Variants in ATL2 observed in about 807,000 individuals in gnomAD.
ATL2 encodes atlastin-2.
A neutral mutation model predicts 73.9 loss-of-function variants in ATL2; 31 were observed. The ratio of observed to expected loss-of-function variants is 0.42; its 90% confidence interval spans 0.32 to 0.57. ATL2 has a LOEUF of 0.57. Among genes scored for constraint, ATL2 ranks in the 20% least tolerant of loss-of-function variants. The probability of loss-of-function intolerance (pLI) is 0.14; values close to 1 mark genes in which losing one functional copy is unlikely to be tolerated. For missense variants in ATL2, 738 were observed against 702.6 expected (o/e 1.05, Z -0.57); for synonymous variants, 291 against 237.5 (o/e 1.23, Z -2.07).
At chr2:38,325,688 AC>A (rs1668587821) in intron 2 of ATL2, among the ~76,000 whole-genome samples, 1 of 71,388 alleles carries the variant, frequency 1.4e-5, no homozygotes, top group East Asian at 4.4e-4. Flanking sequence ...ACACACACAC[AC>A]ACACACCAGT....
At position 38,368,938 on chromosome 2, in the gene ATL2, A is replaced by G. The variant is rs115427803; in HGVS notation, c.118+8205T>C. On this transcript the variant is annotated intron_variant, in intron 1 of 12. Coordinates refer to ENST00000378954, the MANE Select transcript of ATL2 (RefSeq NM_001135673.4). ...ACCTCATCTCTAAAAAAGTAAATAAACTAATTCACATTTTCAATTTCCATA... is the reference window on the plus strand; with the variant it reads ...ACCTCATCTCTAAAAAAGTAAATAAGCTAATTCACATTTTCAATTTCCATA... Among the ~76,000 whole-genome samples the G allele has an allele frequency of 1.1e-3, 164 of 152,262 alleles. 1 individual carries two copies. The highest frequency in any genetic ancestry group is 3.0e-3 in the African/African-American group (125 of 41,568).
At chr2:38,310,726 C>T (rs1667713730) in intron 7 of ATL2, among the ~76,000 whole-genome samples, 1 of 151,582 alleles carries the variant, frequency 6.6e-6, no homozygotes, top group South Asian at 2.1e-4. Flanking sequence ...CAACCTCCGC[C>T]TCCCAGGTTC....
upstream of ATL2, among the ~76,000 whole-genome samples, chr2:38,377,858 T>TC (rs1404329326): frequency 4.8e-5 from 7 of 145,750 alleles, no homozygotes; most frequent in Admixed American, 1.4e-4. Flanking sequence ...TTGCTTCCCC[T>TC]CCCCCCCACC....
At chr2:38,310,186 T>C (rs1226011773) in intron 8 of ATL2, 123 bp downstream of exon 8, 1 of 1,125,846 alleles carries the variant, frequency 8.9e-7, no homozygotes, top group Non-Finnish European at 1.3e-6. Flanking sequence ...AACCACAACA[T>C]GAACAATGCA....
In ATL2 at chr2:38,377,077, G is replaced by A. The variant is rs180888623; in HGVS notation, c.118+66C>T. 9 of 1,505,214 alleles carry A rather than the reference G, an allele frequency of 6.0e-6. No individual in the cohort carries two copies. In the East Asian group the frequency reaches 2.0e-4, roughly 34 times the overall value. The allele number at this position is 1,505,214 out of a possible 1,614,324, so 93.2% of individuals were successfully genotyped here. Reference sequence around the variant, plus strand: ...ACCCCGCCGCCTGCGGCCGGTGCCCGCGAGCCCGAGCAGCGAGCGTCTCTC... The same window carrying A: ...ACCCCGCCGCCTGCGGCCGGTGCCCACGAGCCCGAGCAGCGAGCGTCTCTC... On this transcript the variant is annotated intron_variant, in intron 1 of 12. Transcript: ENST00000378954.
intron 8 of ATL2, 112 bp from the exon 9 acceptor site, chr2:38,309,618 G>A (rs377298072): frequency 9.5e-7 from 1 of 1,055,772 alleles, no homozygotes; most frequent in South Asian, 1.6e-5. Context: ...ATCTATTACT[G>A]AAGTGGATTC....
chr2:38,368,720 T>C (rs966503125), intron 1 of ATL2, among the ~76,000 whole-genome samples: 1 of 152,346 alleles, frequency 6.6e-6, no homozygotes, highest in Admixed American at 6.5e-5. Context: ...AATAATTTCC[T>C]GCATGCAAAC....
chr2:38,370,729 G>A (rs1671639794), intron 1 of ATL2, among the ~76,000 whole-genome samples: 2 of 152,110 alleles, frequency 1.3e-5, no homozygotes, highest in South Asian at 4.1e-4. Context: ...CTGTGCCACT[G>A]CACTCCAGCC....
At chr2:38,340,868 A>C (rs1669673163) in intron 2 of ATL2, among the ~76,000 whole-genome samples, 1 of 152,208 alleles carries the variant, frequency 6.6e-6, no homozygotes, top group African/African-American at 2.4e-5. Flanking sequence ...AAAGCCAATA[A>C]AGACATTTCA....
At chr2:38,332,054 C>A (rs533479137) in intron 2 of ATL2, among the ~76,000 whole-genome samples, 1 of 152,142 alleles carries the variant, frequency 6.6e-6, no homozygotes, top group Non-Finnish European at 1.5e-5. Flanking sequence ...CTAAGTGAAG[C>A]CAGTCACAAA....
intron 1 of ATL2, among the ~76,000 whole-genome samples, chr2:38,365,413 G>C (rs763800745): frequency 4.4e-4 from 67 of 152,202 alleles, no homozygotes; most frequent in Middle Eastern, 3.4e-3. Flanking sequence ...CCAGCACTTT[G>C]GGAGGCCGAG....
intron 1 of ATL2, among the ~76,000 whole-genome samples, chr2:38,356,078 C>A (rs1670650575): frequency 6.6e-6 from 1 of 151,844 alleles, no homozygotes. Context: ...GAATAGACAA[C>A]CCTACCCACA....
At chr2:38,370,736 A>G (rs1671640023) in intron 1 of ATL2, among the ~76,000 whole-genome samples, 1 of 152,190 alleles carries the variant, frequency 6.6e-6, no homozygotes, top group African/African-American at 2.4e-5. Context: ...ACTGCACTCC[A>G]GCCTGAGTGA....
chr2:38,319,243 CT>C (rs1297837531), intron 2 of ATL2, among the ~76,000 whole-genome samples: 4 of 152,182 alleles, frequency 2.6e-5, no homozygotes, highest in African/African-American at 9.7e-5. Context: ...CTCAAATCAG[CT>C]CACACTACTA....
At chr2:38,346,697 G>C (rs111376972) in intron 1 of ATL2, among the ~76,000 whole-genome samples, 6 of 152,336 alleles carry the variant, frequency 3.9e-5, no homozygotes, top group South Asian at 2.1e-4. Flanking sequence ...ATGTCACCAT[G>C]GGTCTGACAG....
chr2:38,354,930 A>G (rs1249950921), intron 1 of ATL2, among the ~76,000 whole-genome samples: 5 of 152,080 alleles, frequency 3.3e-5, no homozygotes, highest in Non-Finnish European at 7.4e-5. Context: ...AAACCAAAAT[A>G]AAATAGTAAA....
chr2:38,354,213 G>C (rs902016583), intron 1 of ATL2: 1 of 420,624 alleles, frequency 2.4e-6, no homozygotes, highest in African/African-American at 2.3e-5. Context: ...TCTGTCATTA[G>C]CAGATGTGCA....
At chr2:38,331,612 CAAAAAAAA>C (rs35381890) in intron 2 of ATL2, among the ~76,000 whole-genome samples, 1 of 92,148 alleles carries the variant, frequency 1.1e-5, no homozygotes, top group Non-Finnish European at 2.2e-5. Flanking sequence ...GACTCCATCT[CAAAAAAAA>C]AAAAAAAAAA....
intron 1 of ATL2, among the ~76,000 whole-genome samples, chr2:38,371,759 G>A (rs1171943401): frequency 6.6e-6 from 1 of 152,026 alleles, no homozygotes; most frequent in South Asian, 2.1e-4. Flanking sequence ...TTAGCTGGAC[G>A]TGGTGGCACG....
Sources: allele counts gnomAD v4.1 joint callset (sites outside exome capture counted in the v4.1 genomes callset), GRCh38; gene constraint gnomAD v4.1.1; transcripts MANE v1.5; gene names NCBI Gene and HGNC (gene_info 2026-07-23, HGNC 2026-07-21).